The following RAD23B variants were observed in gnomAD, a reference collection of about 807,000 sequenced individuals.
RAD23B encodes the protein RAD23 nucleotide excision repair protein B.
A neutral mutation model predicts 49.1 loss-of-function variants in RAD23B; 5 were observed. That is an observed-to-expected ratio of 0.10 (90% confidence interval 0.05 to 0.21). The LOEUF (loss-of-function observed/expected upper bound fraction) is 0.21. Ranked by LOEUF, RAD23B falls within the 10% of genes least tolerant of loss-of-function variation. The pLI, the probability that RAD23B is intolerant of heterozygous loss-of-function variation, is 1.00. For missense variants in RAD23B, 356 were observed against 486.7 expected (o/e 0.73, Z 2.53); for synonymous variants, 184 against 165.4 (o/e 1.11, Z -0.86).
chr9:107,310,792 G>A (rs1437458647), intron 4 of RAD23B, among the ~76,000 whole-genome samples: 4 of 152,190 alleles, frequency 2.6e-5, no homozygotes, highest in Non-Finnish European at 5.9e-5. Flanking sequence ...ACACTTTGGA[G>A]TATATGATAC....
chr9:107,295,566 A>G (rs1183377170), intron 1 of RAD23B, among the ~76,000 whole-genome samples: 1 of 152,224 alleles, frequency 6.6e-6, no homozygotes. Flanking sequence ...AATAAGGTAG[A>G]AAGTGGTCAC....
Position 107,302,090 on chromosome 9 carries a change from CT to C in RAD23B, c.207del (p.Phe69LeufsTer6). ...LKEYKIDEKN[F>X]VVVMVTKPKA... ...AAGAATATAAAATTGATGAGAAAAA[CT>C]TTGTGGTGGTTATGGTGACCAAAGT... is the stretch of plus-strand genomic sequence containing the variant. On this transcript the variant is annotated frameshift_variant, in exon 3 of 10. Coordinates refer to ENST00000358015, the MANE Select transcript of RAD23B (RefSeq NM_002874.5). LOFTEE classifies it high-confidence loss of function. The C allele has an allele frequency of 6.2e-7, 1 of 1,612,942 alleles. No individual in the cohort carries two copies.
chr9:107,299,381 TAAC>T (rs1413528585), intron 1 of RAD23B, among the ~76,000 whole-genome samples: 1 of 152,196 alleles, frequency 6.6e-6, no homozygotes, highest in East Asian at 1.9e-4. Context: ...CCTCCCTACT[TAAC>T]AAGTTAAGAA....
intron 1 of RAD23B, 79 bp from the exon 2 acceptor site, chr9:107,300,062 C>T: frequency 6.7e-7 from 1 of 1,499,664 alleles, no homozygotes; most frequent in Non-Finnish European, 8.9e-7. Flanking sequence ...TAATTTTTGT[C>T]TTCCATTATT....
At chr9:107,287,434 A>C (rs967949680) in intron 1 of RAD23B, among the ~76,000 whole-genome samples, 2 of 152,250 alleles carry the variant, frequency 1.3e-5, no homozygotes, top group African/African-American at 4.8e-5. Context: ...GTGACATTAA[A>C]ATTCTACATA....
At chr9:107,288,303 T>A (rs1228585661) in intron 1 of RAD23B, among the ~76,000 whole-genome samples, 1 of 152,236 alleles carries the variant, frequency 6.6e-6, no homozygotes, top group Non-Finnish European at 1.5e-5. Flanking sequence ...TGTCAGGCCC[T>A]GCTGTGATGG....
Position 107,330,104 on chromosome 9 carries a change from A to AT in RAD23B, c.*453dup, listed in dbSNP as rs1827281039. The AT allele has an allele frequency of 6.5e-6, 1 of 152,722 alleles. No homozygotes were observed. Among genetic ancestry groups the AT allele is most frequent in the South Asian group, 2.1e-4 (1 of 4,834 alleles). 9.5% of individuals were successfully genotyped at this position (152,722 alleles called of 1,614,324 possible). A position where few individuals can be genotyped will look rare whatever the true frequency, so the allele number is the denominator to read the frequency against. ...ATAATGGCTTTGTGAAATTTAAAAA[A>AT]TTTTTGTAGCGACTGTAAACAGAAA... On this transcript the variant is annotated 3_prime_UTR_variant, in exon 10 of 10. Coordinates refer to ENST00000358015, the MANE Select transcript of RAD23B (RefSeq NM_002874.5). The surrounding 1 kb of genome is among the most constrained non-coding windows in gnomAD (Gnocchi z 4.4).
chr9:107,290,601 T>G (rs975408573), intron 1 of RAD23B, among the ~76,000 whole-genome samples: 1 of 152,234 alleles, frequency 6.6e-6, no homozygotes, highest in African/African-American at 2.4e-5. Flanking sequence ...CTTTCTCCTC[T>G]TTATTAAAAT....
intron 1 of RAD23B, among the ~76,000 whole-genome samples, chr9:107,288,583 C>T (rs1208548867): frequency 2.0e-5 from 3 of 152,016 alleles, no homozygotes; most frequent in African/African-American, 7.2e-5. Context: ...GTAGCTGGGA[C>T]TAGAGGTGTG....
In RAD23B at chr9:107,330,660, T is replaced by C. The variant is rs1266019750; in HGVS notation, c.*1004T>C. 2 of 152,680 alleles carry C rather than the reference T, an allele frequency of 1.3e-5. No homozygotes were observed. Among genetic ancestry groups the C allele is most frequent in the African/African-American group, 4.8e-5 (2 of 41,468 alleles). 9.5% of individuals were successfully genotyped at this position (152,680 alleles called of 1,614,324 possible). A position where few individuals can be genotyped will look rare whatever the true frequency, so the allele number is the denominator to read the frequency against. ...TGCAAATGTTTCAAAACTGGGTTTC[T>C]GATATTTGTAAATGTGTTTCTTTAT... On this transcript the variant is annotated 3_prime_UTR_variant, in exon 10 of 10. Transcript: ENST00000358015. This position sits in a 1 kb window ranked among gnomAD's most constrained non-coding sequence, Gnocchi z 4.4.
rs1827307959 is a variant in RAD23B at position 107,331,604 on chromosome 9, G to A, written c.*1948G>A. 1 of 739,798 alleles carries A rather than the reference G, an allele frequency of 1.4e-6. No homozygotes were observed. The highest frequency in any genetic ancestry group is 1.7e-5 in the African/African-American group (1 of 57,172). 45.8% of individuals were successfully genotyped at this position (739,798 alleles called of 1,614,324 possible). ...GTCAGAGCAATGAGTTGGGAAAAGAGGTGGCATTTCTGATCGGATAATGGA... is the reference window on the plus strand; with the variant it reads ...GTCAGAGCAATGAGTTGGGAAAAGAAGTGGCATTTCTGATCGGATAATGGA... On this transcript the variant is annotated 3_prime_UTR_variant, in exon 10 of 10. Coordinates refer to ENST00000358015, the MANE Select transcript of RAD23B (RefSeq NM_002874.5).
At chr9:107,298,110 T>C (rs575229936) in intron 1 of RAD23B, among the ~76,000 whole-genome samples, 7 of 152,176 alleles carry the variant, frequency 4.6e-5, no homozygotes, top group Non-Finnish European at 1.0e-4. Flanking sequence ...TATCCTTTTG[T>C]CCCTCTACAA....
chr9:107,324,277 A>G (rs756341603), intron 8 of RAD23B, among the ~76,000 whole-genome samples: 10 of 152,232 alleles, frequency 6.6e-5, no homozygotes, highest in Non-Finnish European at 1.2e-4. Flanking sequence ...GATTCCCACT[A>G]CACATTAATA....
chr9:107,297,728 C>G (rs1310390162), intron 1 of RAD23B, among the ~76,000 whole-genome samples: 1 of 147,606 alleles, frequency 6.8e-6, no homozygotes, highest in Non-Finnish European at 1.5e-5. Flanking sequence ...TTTGGTCCAG[C>G]TTTTCTTAAT....
chr9:107,307,868 A>G (rs1452003936), intron 4 of RAD23B, among the ~76,000 whole-genome samples: 3 of 152,194 alleles, frequency 2.0e-5, no homozygotes, highest in South Asian at 2.1e-4. Flanking sequence ...TAAGCATTCT[A>G]TGACACCATT....
chr9:107,317,014 C>T (rs539627664), intron 5 of RAD23B, among the ~76,000 whole-genome samples: 20 of 151,956 alleles, frequency 1.3e-4, no homozygotes, highest in Admixed American at 1.0e-3. Context: ...GAAGTAACAC[C>T]GGGAAGATGA....
At chr9:107,321,770 A>G (rs1455706361) in intron 6 of RAD23B, among the ~76,000 whole-genome samples, 1 of 152,192 alleles carries the variant, frequency 6.6e-6, no homozygotes, top group Non-Finnish European at 1.5e-5. Context: ...GCATTATTAT[A>G]GCAATGTGGG....
intron 5 of RAD23B, among the ~76,000 whole-genome samples, chr9:107,314,419 C>T (rs1826950831): frequency 1.3e-5 from 2 of 152,154 alleles, no homozygotes; most frequent in Non-Finnish European, 1.5e-5. Context: ...GTTCAGCTCC[C>T]ACTTGTGAGG....
At chr9:107,298,173 C>G (rs998289949) in intron 1 of RAD23B, among the ~76,000 whole-genome samples, 2 of 152,224 alleles carry the variant, frequency 1.3e-5, no homozygotes, top group African/African-American at 4.8e-5. Flanking sequence ...CACCCATGCT[C>G]TGCCATCAGT....
Sources: gnomAD v4.1 joint callset for allele counts (sites outside exome capture counted in the v4.1 genomes callset) on GRCh38, gnomAD v4.1.1 for gene constraint, Gnocchi (gnomAD v3.1) non-coding constraint, MANE v1.5 for transcripts, NCBI Gene and HGNC (gene_info 2026-07-23, HGNC 2026-07-21) for gene names.